SPATS1: variants seen among roughly 807,000 people sequenced by gnomAD.
SPATS1 encodes spermatogenesis-associated serine-rich protein 1.
In SPATS1, 23 loss-of-function variants were observed where a neutral mutation model predicts 33.6. The ratio of observed to expected loss-of-function variants is 0.68; its 90% CI spans 0.49 to 0.97. The LOEUF (loss-of-function observed/expected upper bound fraction) is 0.97, where lower values mean the gene tolerates loss of function less well. SPATS1 is among the 50% of genes least tolerant of loss of function. The pLI is 0.00. For missense variants in SPATS1, 327 were observed against 361.0 expected, an observed-to-expected ratio of 0.91 and a Z score of 0.76; for synonymous variants, 131 against 125.6, an observed-to-expected ratio of 1.04 and a Z score of -0.29.
Position 44,352,778 on chromosome 6 carries a change from A to T in SPATS1, c.192A>T (p.Thr64=), listed in dbSNP as rs757952268. The T allele has an allele frequency of 6.2e-7, 1 of 1,613,966 alleles. No individual in the cohort carries two copies. The highest frequency in any genetic ancestry group is 8.5e-7 in the Non-Finnish European group (1 of 1,179,982). The change falls in exon 3 of 9, where the codon ACA becomes ACT. Residue 64 remains threonine (T), a synonymous_variant. Coordinates refer to ENST00000674044, the MANE Select transcript of SPATS1 (RefSeq NM_001372081.1). The part of the protein sequence containing the change: ...LESKGCFANT[T]PSGKSVSSSS... The stretch of plus-strand genomic sequence containing the variant: ...CTAAGGGATGTTTTGCCAACACAAC[A>T]CCCTCTGGCAAAAGTGTCAGTTCCT...
intron 6 of SPATS1, 134 bp downstream of exon 6, chr6:44,368,633 AT>A (rs1789391063): frequency 1.3e-6 from 1 of 799,958 alleles, no homozygotes; most frequent in South Asian, 3.0e-5. Flanking sequence ...TGAAAAGCTC[AT>A]CTTTAGTTAA....
intron 8 of SPATS1, 33 bp downstream of exon 8, chr6:44,376,506 A>G: frequency 6.0e-6 from 9 of 1,492,366 alleles, no homozygotes; most frequent in Non-Finnish European, 8.3e-6. Flanking sequence ...AATAGTGTAA[A>G]AACTGGAGGA....
chr6:44,343,316 G>A (rs985502802), intron 2 of SPATS1, 82 bp downstream of exon 2: 15 of 1,479,214 alleles, frequency 1.0e-5, no homozygotes, highest in Admixed American at 5.1e-5. Flanking sequence ...CAGGTGGGGG[G>A]CACCATTTGA....
chr6:44,379,947 G>A lies in SPATS1; in HGVS notation c.*2884G>A, dbSNP rs573047129. ...CTCGATGCCCAGGCCTTATTCCACGGCACCTCAATAGCTGTCAGGTAGAGT... is the reference window on the plus strand; with the variant it reads ...CTCGATGCCCAGGCCTTATTCCACGACACCTCAATAGCTGTCAGGTAGAGT... On this transcript the variant is annotated 3_prime_UTR_variant, in exon 9 of 9. Coordinates refer to ENST00000674044, the MANE Select transcript of SPATS1 (RefSeq NM_001372081.1). Among the ~76,000 whole-genome samples, 3 of 152,196 alleles carry A rather than the reference G, an allele frequency of 2.0e-5. No homozygotes were observed. The South Asian group carries it at 6.2e-4, about 32-fold the overall frequency.
Position 44,377,032 on chromosome 6 carries a change from C to A in SPATS1, c.875-3C>A. ...ACCTGTAACTCCATGCCTCTATCCA[C>A]AGGTGCTTTGGACTTTCCAAGACAA... On this transcript the variant is annotated splice_region_variant and splice_polypyrimidine_tract_variant and intron_variant, in intron 8 of 8. Coordinates refer to ENST00000674044, the MANE Select transcript of SPATS1 (RefSeq NM_001372081.1). 6.2e-7 allele frequency: 1 copy of A among 1,614,220 alleles called. No homozygotes were observed. Among genetic ancestry groups the A allele is most frequent in the Non-Finnish European group, 8.5e-7 (1 of 1,180,026 alleles).
intron 7 of SPATS1, among the ~76,000 whole-genome samples, chr6:44,372,252 C>CAAA (rs1202728244): frequency 1.2e-5 from 1 of 80,644 alleles, no homozygotes; most frequent in Admixed American, 1.4e-4. Context: ...GACTCCATCT[C>CAAA]AAAAAAAAAA....
In SPATS1 at chr6:44,361,364, C is replaced by T. The variant is rs1031833820; in HGVS notation, c.413-467C>T. On this transcript the variant is annotated intron_variant, in intron 4 of 8. Transcript: ENST00000674044. ...TCACAGGTCCATTTCCCGGTGTCACCGTAGCACATGCGCGTGCTATTGTTG... is the reference window on the plus strand; with the variant it reads ...TCACAGGTCCATTTCCCGGTGTCACTGTAGCACATGCGCGTGCTATTGTTG... 1.3e-5 allele frequency: 13 copies of T among 985,274 alleles called. No individual in the cohort carries two copies. In the African/African-American group the frequency reaches 1.7e-4, roughly 13 times the overall value. The allele number at this position is 985,274 out of a possible 1,614,324, so 61.0% of individuals were successfully genotyped here.
rs747479012 is a variant in SPATS1, at chr6:44,354,334, AAAATAAATAAAT to A, written c.287+1490_287+1501del. Reference sequence around the variant, plus strand: ...AGGCGACAGAGTGAGAACTTGTGTCAAAATAAATAAATAAATAAATAAATAAATAAATAAATA... The same window carrying A: ...AGGCGACAGAGTGAGAACTTGTGTCAAAATAAATAAATAAATAAATAAATA... On this transcript the variant is annotated intron_variant, in intron 3 of 8. Coordinates refer to ENST00000674044, the MANE Select transcript of SPATS1 (RefSeq NM_001372081.1). Among the ~76,000 whole-genome samples the A allele has an allele frequency of 7.2e-5, 8 of 110,422 alleles. No individual in the cohort carries two copies. The East Asian group carries it at 1.3e-3, about 18-fold the overall frequency. 72.4% of individuals were successfully genotyped at this position (110,422 alleles called of 152,430 possible). A position where few individuals can be genotyped will look rare whatever the true frequency, so the allele number is the denominator to read the frequency against.
chr6:44,368,547 T>C, intron 6 of SPATS1, 48 bp downstream of exon 6: 1 of 1,550,810 alleles, frequency 6.4e-7, no homozygotes, highest in Non-Finnish European at 8.8e-7. Flanking sequence ...TTAAAGGAAT[T>C]GTGTCTCTCT....
intron 7 of SPATS1, among the ~76,000 whole-genome samples, chr6:44,372,058 A>AT (rs1407342505): frequency 6.6e-6 from 1 of 151,620 alleles, no homozygotes; most frequent in Non-Finnish European, 1.5e-5. Context: ...GATCAAGACC[A>AT]TCCTGGCCAA....
At chr6:44,369,731 G>C (rs1308079573) in intron 6 of SPATS1, among the ~76,000 whole-genome samples, 1 of 151,944 alleles carries the variant, frequency 6.6e-6, no homozygotes, top group Non-Finnish European at 1.5e-5. Context: ...AATTAGCTGG[G>C]CATGGTGGTG....
At chr6:44,375,718 GA>G (rs750810446) in intron 7 of SPATS1, among the ~76,000 whole-genome samples, 2 of 152,164 alleles carry the variant, frequency 1.3e-5, no homozygotes, top group Non-Finnish European at 2.9e-5. Flanking sequence ...GCTGAAGCAG[GA>G]GAGTCACCTG....
At chr6:44,375,302 C>T (rs954892775) in intron 7 of SPATS1, among the ~76,000 whole-genome samples, 5 of 152,178 alleles carry the variant, frequency 3.3e-5, no homozygotes, top group Non-Finnish European at 5.9e-5. Context: ...AGCGTTACTA[C>T]TCTTGGGTCT....
Position 44,375,993 on chromosome 6 carries a change from C to T in SPATS1, c.759-365C>T, listed in dbSNP as rs569401182. ...TGGTGGCATGTGCCTATAGTCCCAG[C>T]TACTCGGGAGGCTGAGGCAGGAGAA... On this transcript the variant is annotated intron_variant, in intron 7 of 8. Transcript: ENST00000674044. Among the ~76,000 whole-genome samples the T allele has an allele frequency of 1.1e-4, 16 of 152,056 alleles. No homozygotes were observed. In the South Asian group the frequency reaches 2.7e-3, roughly 26 times the overall value.
At chr6:44,344,627 G>T (rs1176997886) in intron 2 of SPATS1, among the ~76,000 whole-genome samples, 1 of 152,068 alleles carries the variant, frequency 6.6e-6, no homozygotes, top group Admixed American at 6.6e-5. Context: ...CTGCCAGACA[G>T]AGCTATTATG....
Position 44,377,038 on chromosome 6 carries a change from C to A in SPATS1, c.878C>A (p.Ala293Asp). The change falls in exon 9 of 9, where the codon GCT (alanine) becomes GAT (aspartate). Residue 293 changes from alanine (A) to aspartate (D), a missense_variant. By Grantham distance (126) the Ala-to-Asp change is moderately radical (BLOSUM62 -2). Coordinates refer to ENST00000674044, the MANE Select transcript of SPATS1 (RefSeq NM_001372081.1). ...AACTCCATGCCTCTATCCACAGGTG[C>A]TTTGGACTTTCCAAGACAATCCTGA... ...PLMHMLHLSG[A>D]LDFPRQS 1.9e-6 allele frequency: 3 copies of A among 1,614,200 alleles called. No individual in the cohort carries two copies. The highest frequency in any genetic ancestry group is 1.1e-5 in the South Asian group (1 of 91,088).
At chr6:44,344,786 T>C (rs1162718804) in intron 2 of SPATS1, among the ~76,000 whole-genome samples, 1 of 152,226 alleles carries the variant, frequency 6.6e-6, no homozygotes, top group Non-Finnish European at 1.5e-5. Context: ...TCCCTTGAAT[T>C]CCTTTCTGGT....
intron 5 of SPATS1, among the ~76,000 whole-genome samples, chr6:44,364,235 A>C (rs115384972): frequency 0.028 from 4,259 of 152,310 alleles, 185 homozygotes; most frequent in African/African-American, 0.094. Flanking sequence ...TCATATTTTA[A>C]AAATTAACAG....
At chr6:44,368,586 A>T in intron 6 of SPATS1, 87 bp downstream of exon 6, 1 of 1,279,360 alleles carries the variant, frequency 7.8e-7, no homozygotes, top group East Asian at 2.4e-5. Flanking sequence ...TTTAAAAGGG[A>T]TAGATGTCAA....
Sources: allele counts gnomAD v4.1 joint callset (sites outside exome capture counted in the v4.1 genomes callset), GRCh38; gene constraint gnomAD v4.1.1; transcripts MANE v1.5; gene names NCBI Gene and HGNC (gene_info 2026-07-23, HGNC 2026-07-21).